The following TPO variants were observed in gnomAD, a reference collection of about 807,000 sequenced individuals.
TPO encodes thyroid peroxidase.
A neutral mutation model predicts 96.9 loss-of-function variants in TPO; 78 were observed. The observed-to-expected ratio is 0.81, with a 90% CI of 0.67 to 0.97. The LOEUF (loss-of-function observed/expected upper bound fraction) is 0.97, where lower values mean the gene tolerates loss of function less well. TPO is among the 50% of genes least tolerant of loss of function. TPO has a pLI of 0.00. For missense variants in TPO, 1,252 were observed against 1,274.8 expected (o/e 0.98, Z 0.27); for synonymous variants, 547 against 538.0 (o/e 1.02, Z -0.23).
intron 2 of TPO, among the ~76,000 whole-genome samples, 200 bp from the exon 3 acceptor site, chr2:1,422,845 G>A (rs28909370): frequency 7.2e-5 from 11 of 152,298 alleles, no homozygotes; most frequent in African/African-American, 2.2e-4. Context: ...AGGCAGCTCC[G>A]TGCAGTGGGG....
In TPO at chr2:1,376,564, C is replaced by T. The variant is rs576655183; in HGVS notation, n.180+2162C>T. 3.9e-5 allele frequency among the ~76,000 whole-genome samples: 6 copies of T among 152,184 alleles called. No individual in the cohort carries two copies. The South Asian group carries it at 1.2e-3, about 32-fold the overall frequency. On this transcript the variant is annotated intron_variant and non_coding_transcript_variant, in intron 1 of 5. Coordinates refer to the TPO transcript ENST00000497517. ...GCACCAGCGTGGGGCTGAGGCTGTT[C>T]CTGATGGTGCCCAGGGCAGTGCTGA...
chr2:1,539,267 C>G (rs1322818234), intron 15 of TPO, among the ~76,000 whole-genome samples: 5 of 152,204 alleles, frequency 3.3e-5, no homozygotes, highest in African/African-American at 1.2e-4. Context: ...GGCATTGGTG[C>G]TAACTCCTTA....
In TPO at chr2:1,487,208, C is replaced by CT. The variant is rs573999265; in HGVS notation, c.1598-605dup. On this transcript the variant is annotated intron_variant, in intron 9 of 16. Coordinates refer to ENST00000329066, the MANE Select transcript of TPO (RefSeq NM_001206744.2). ...GGATGTTAGAATTCAGCAAACGCTT[C>CT]TTTTTTTTGTAATCTTTCTGTTGCT... 2.7e-4 allele frequency among the ~76,000 whole-genome samples: 41 copies of CT among 151,582 alleles called. 1 individual carries two copies. The East Asian group carries it at 2.7e-3, about 10-fold the overall frequency.
At position 1,478,076 on chromosome 2, in the gene TPO, G is replaced by C. The variant is rs76087921; in HGVS notation, c.1338+472G>C. On this transcript the variant is annotated intron_variant, in intron 8 of 16. Coordinates refer to ENST00000329066, the MANE Select transcript of TPO (RefSeq NM_001206744.2). ...GGGGTGCTGGTGTTTTTGTATTTCA[G>C]AGACAGTGCAGTGAATGAAGAACCG... The C allele has an allele frequency of 9.0e-5, 89 of 985,458 alleles. No individual in the cohort carries two copies. The East Asian group carries it at 9.9e-3, about 109-fold the overall frequency. 61.0% of individuals were successfully genotyped at this position (985,458 alleles called of 1,614,324 possible). A position where few individuals can be genotyped will look rare whatever the true frequency, so the allele number is the denominator to read the frequency against.
intron 15 of TPO, among the ~76,000 whole-genome samples, chr2:1,537,022 GTCCTCAAATACCCCCACTGTGTGCAACC>G (rs1679857472): frequency 7.2e-5 from 1 of 13,830 alleles, no homozygotes; most frequent in African/African-American, 7.4e-4. Flanking sequence ...TGTGTGCAAC[GTCCTCAAATACCCCCACTGTGTGCAACC>G]TCCCCAAATC....
At position 1,496,203 on chromosome 2, in the gene TPO, G is replaced by A. The variant is rs1407949971; in HGVS notation, c.2215+6G>A. On this transcript the variant is annotated splice_donor_region_variant and intron_variant, in intron 12 of 16. Coordinates refer to ENST00000329066, the MANE Select transcript of TPO (RefSeq NM_001206744.2). ...GAGGGAAACCTTTCCTCAAGGTGAA[G>A]TTCGGTCTCCTCTCACACCACGTTA... is the stretch of plus-strand genomic sequence containing the variant. The A allele has an allele frequency of 6.2e-7, 1 of 1,613,408 alleles. No individual in the cohort carries two copies. The highest frequency in any genetic ancestry group is 8.5e-7 in the Non-Finnish European group (1 of 1,179,826).
intron 4 of TPO, 23 bp from the exon 5 acceptor site, chr2:1,436,229 T>C: frequency 6.2e-7 from 1 of 1,614,158 alleles, no homozygotes; most frequent in South Asian, 1.1e-5. Context: ...AGCACAGAAT[T>C]CATGGTTTCC....
intron 2 of TPO, among the ~76,000 whole-genome samples, chr2:1,417,943 T>C (rs1363700399): frequency 8.5e-6 from 1 of 117,430 alleles, no homozygotes; most frequent in African/African-American, 3.4e-5. Context: ...ACATCTGCAA[T>C]CCCAACACAG....
chr2:1,422,396 G>GACCTCGTGCAGGCGCCTCTCCTGGA (rs1663836880), intron 2 of TPO, among the ~76,000 whole-genome samples: 1 of 104,610 alleles, frequency 9.6e-6, no homozygotes, highest in African/African-American at 4.3e-5. Context: ...GCCGCGCTGG[G>GACCTCGTGCAGGCGCCTCTCCTGGA]CCATGGGGAG....
chr2:1,463,933 T>C (rs939095119), intron 7 of TPO, among the ~76,000 whole-genome samples: 4 of 152,310 alleles, frequency 2.6e-5, no homozygotes, highest in South Asian at 2.1e-4. Context: ...TGAGAACAGG[T>C]GGTGTTTGGT....
At chr2:1,537,809 AAT>A in intron 15 of TPO, among the ~76,000 whole-genome samples, 1 of 81,710 alleles carries the variant, frequency 1.2e-5, no homozygotes, top group Non-Finnish European at 2.5e-5. Flanking sequence ...AATGTCCCCA[AAT>A]CCCCCCACTG....
intron 1 of TPO, among the ~76,000 whole-genome samples, chr2:1,381,471 G>T (rs949032700): frequency 3.9e-5 from 6 of 152,126 alleles, no homozygotes; most frequent in Non-Finnish European, 7.4e-5. Flanking sequence ...CAACGAGGGG[G>T]TGGTGCCAGA....
At chr2:1,507,228 G>T (rs1261894463) in intron 14 of TPO, among the ~76,000 whole-genome samples, 2 of 152,140 alleles carry the variant, frequency 1.3e-5, no homozygotes, top group Admixed American at 6.5e-5. Context: ...GCTCTGTTCT[G>T]TTCCATTGGT....
intron 14 of TPO, among the ~76,000 whole-genome samples, chr2:1,507,442 G>A (rs1218040534): frequency 1.3e-5 from 2 of 152,154 alleles, no homozygotes; most frequent in Non-Finnish European, 2.9e-5. Flanking sequence ...TAGCTTGATG[G>A]GGATGGCATT....
At position 1,493,860 on chromosome 2, in the gene TPO, G is replaced by C; in HGVS notation, c.1827G>C (p.Leu609=). 1 of 1,614,174 alleles carries C rather than the reference G, an allele frequency of 6.2e-7. No individual in the cohort carries two copies. The highest frequency in any genetic ancestry group is 8.5e-7 in the Non-Finnish European group (1 of 1,180,026). The change falls in exon 11 of 17, where the codon CTG becomes CTC. Residue 609 remains leucine (L), a synonymous_variant. Coordinates refer to ENST00000329066, the MANE Select transcript of TPO (RefSeq NM_001206744.2). The part of the protein sequence containing the change: ...GLPRLETPAD[L]STAIASRSVA... ...CTCGCCTGGAGACCCCCGCTGACCT[G>C]AGCACAGCCATCGCCAGCAGGAGCG... is the stretch of plus-strand genomic sequence containing the variant.
intron 8 of TPO, chr2:1,477,834 G>A (rs995734075): frequency 3.0e-6 from 3 of 985,296 alleles, no homozygotes; most frequent in Non-Finnish European, 3.6e-6. Context: ...GGGCCGAAGG[G>A]TAACTCCGGA....
In TPO at chr2:1,423,036, G is replaced by A. The variant is rs761317645; in HGVS notation, c.95-9G>A. ...TTGCGCTTTGACTGTGTGACATTCTGTTCCGTAGGAAAGCCTGAGGAGTCT... is the reference window on the plus strand; with the variant it reads ...TTGCGCTTTGACTGTGTGACATTCTATTCCGTAGGAAAGCCTGAGGAGTCT... On this transcript the variant is annotated splice_polypyrimidine_tract_variant and intron_variant, in intron 2 of 16. Transcript: ENST00000329066. The A allele has an allele frequency of 1.3e-5, 21 of 1,613,968 alleles. No individual in the cohort carries two copies. Among genetic ancestry groups the A allele is most frequent in the Non-Finnish European group, 1.8e-5 (21 of 1,179,848 alleles).
rs552096726 is a variant in TPO at position 1,508,019 on chromosome 2, G to A, written c.2518+3940G>A. Among the ~76,000 whole-genome samples, 576 of 152,200 alleles carry A rather than the reference G, an allele frequency of 3.8e-3. 6 individuals carry two copies. Among genetic ancestry groups the A allele is most frequent in the African/African-American group, 0.013 (551 of 41,546 alleles). On this transcript the variant is annotated intron_variant, in intron 14 of 16. Transcript: ENST00000329066. The stretch of plus-strand genomic sequence containing the variant: ...CCATTCAGTATGATGTTGGCTGTGG[G>A]TTTGTCATAGATAGCTCTTATTATT...
chr2:1,459,449 C>G (rs991724510), intron 7 of TPO, among the ~76,000 whole-genome samples: 4 of 151,844 alleles, frequency 2.6e-5, no homozygotes, highest in African/African-American at 9.7e-5. Context: ...CGTGCTCAGC[C>G]AACAAGGGAC....
Sources: gnomAD v4.1 joint callset for allele counts (sites outside exome capture counted in the v4.1 genomes callset) on GRCh38, gnomAD v4.1.1 for gene constraint, MANE v1.5 for transcripts, NCBI Gene and HGNC (gene_info 2026-07-23, HGNC 2026-07-21) for gene names.